Variants in STMN4 observed in about 807,000 individuals in gnomAD.
STMN4 encodes stathmin-4.
In STMN4, 12 loss-of-function variants were observed where a neutral mutation model predicts 29.1. That is an observed-to-expected ratio of 0.41 (90% CI 0.26 to 0.67). STMN4 has a LOEUF of 0.67. STMN4 is among the 30% of genes least tolerant of loss of function. The probability of loss-of-function intolerance (pLI) is 0.30; values close to 1 mark genes in which losing one functional copy is unlikely to be tolerated. For synonymous variants in STMN4, 114 were observed against 105.3 expected, an observed-to-expected ratio of 1.08 and a Z score of -0.51; for missense variants, 181 against 262.8, an observed-to-expected ratio of 0.69 and a Z score of 2.15.
chr8:27,237,959 C>G lies in STMN4; in HGVS notation c.592-1054G>C, dbSNP rs150633744. Among the ~76,000 whole-genome samples, 14 of 152,316 alleles carry G rather than the reference C, an allele frequency of 9.2e-5. No individual in the cohort carries two copies. The East Asian group carries it at 2.7e-3, about 29-fold the overall frequency. ...TCAACCAATGTTGTCCCTCCCAGAGCCTGGCACTGTCACATCCAGATGACA... is the reference window on the plus strand; with the variant it reads ...TCAACCAATGTTGTCCCTCCCAGAGGCTGGCACTGTCACATCCAGATGACA... On this transcript the variant is annotated intron_variant, in intron 6 of 6. Coordinates refer to ENST00000350889, the MANE Select transcript of STMN4 (RefSeq NM_030795.4).
intron 1 of STMN4, among the ~76,000 whole-genome samples, chr8:27,253,731 A>ATT (rs371945464): frequency 1.2e-4 from 18 of 147,762 alleles, no homozygotes; most frequent in Admixed American, 2.0e-4. Context: ...CTTTAATTTG[A>ATT]TTTTTTTTTT....
Position 27,243,354 on chromosome 8 carries a change from T to C in STMN4, c.13+357A>G, listed in dbSNP as rs751399530. Among the ~76,000 whole-genome samples the C allele has an allele frequency of 4.2e-4, 64 of 152,190 alleles. 1 individual carries two copies. The highest frequency in any genetic ancestry group is 8.2e-4 in the Non-Finnish European group (56 of 68,042). ...CTCCTGATACTGGGGACTATAGGCA[T>C]ATGCCACTATACCTGGCTTCCTTTT... is the stretch of plus-strand genomic sequence containing the variant. On this transcript the variant is annotated intron_variant, in intron 2 of 6. Coordinates refer to ENST00000350889, the MANE Select transcript of STMN4 (RefSeq NM_030795.4).
chr8:27,246,924 G>A (rs1279162150), intron 1 of STMN4, among the ~76,000 whole-genome samples: 1 of 152,058 alleles, frequency 6.6e-6, no homozygotes, highest in Non-Finnish European at 1.5e-5. Context: ...TTCACCTCAG[G>A]TACCAGCATT....
At chr8:27,243,908 G>C in intron 1 of STMN4, 107 bp from the exon 2 acceptor site, 2 of 1,032,314 alleles carry the variant, frequency 1.9e-6, no homozygotes, top group Non-Finnish European at 2.9e-6. Flanking sequence ...TACCTCATTT[G>C]CTCTTCCTCC....
At chr8:27,239,770 C>A (rs2130054221) in intron 6 of STMN4, 1 of 1,519,486 alleles carries the variant, frequency 6.6e-7, no homozygotes, top group Non-Finnish European at 8.8e-7. Flanking sequence ...CCCAAGGAAA[C>A]CCTGAGTCTG....
At position 27,255,991 on chromosome 8, in the gene STMN4, AAT is replaced by A. The variant is rs1801929157; in HGVS notation, c.-79+2358_-79+2359del. On this transcript the variant is annotated intron_variant, in intron 1 of 6. Coordinates refer to ENST00000350889, the MANE Select transcript of STMN4 (RefSeq NM_030795.4). ...AGAAGGACAGCTTCCCATAAAAAAA[AAT>A]ATTTAGATTTAATTACAACTTAAAG... 3.3e-5 allele frequency among the ~76,000 whole-genome samples: 5 copies of A among 152,192 alleles called. No individual in the cohort carries two copies. In the South Asian group the frequency reaches 8.3e-4, roughly 25 times the overall value.
At chr8:27,239,399 C>A in intron 6 of STMN4, 2 of 1,081,392 alleles carry the variant, frequency 1.8e-6, no homozygotes, top group South Asian at 1.5e-5. Flanking sequence ...ATTCTGCTGA[C>A]ACACAGAACC....
Position 27,236,754 on chromosome 8 carries a change from T to C in STMN4, c.*92A>G. The C allele has an allele frequency of 8.9e-7, 1 of 1,119,858 alleles. No individual in the cohort carries two copies. The highest frequency in any genetic ancestry group is 1.2e-6 in the Non-Finnish European group (1 of 814,016). The allele number at this position is 1,119,858 out of a possible 1,614,324, so 69.4% of individuals were successfully genotyped here. A position where few individuals can be genotyped will look rare whatever the true frequency, so the allele number is the denominator to read the frequency against. ...CCACCCCCCTCCCCCCAAACCCCAG[T>C]GCTGGGAGCGCAGCCGGCGGGCGAG... On this transcript the variant is annotated 3_prime_UTR_variant, in exon 7 of 7. Transcript: ENST00000350889.
At chr8:27,257,230 G>C (rs534476557) in intron 1 of STMN4, among the ~76,000 whole-genome samples, 1 of 152,016 alleles carries the variant, frequency 6.6e-6, no homozygotes, top group Non-Finnish European at 1.5e-5. Context: ...CCTAGCACCC[G>C]CCTGTGGGAG....
chr8:27,243,964 C>T (rs947555368), intron 1 of STMN4, among the ~76,000 whole-genome samples, 163 bp from the exon 2 acceptor site: 4 of 152,200 alleles, frequency 2.6e-5, no homozygotes, highest in Non-Finnish European at 2.9e-5. Context: ...CTACCCCGAC[C>T]TCCCTCCCAC....
intron 1 of STMN4, among the ~76,000 whole-genome samples, chr8:27,249,753 G>A (rs1199304429): frequency 6.6e-6 from 1 of 152,148 alleles, no homozygotes; most frequent in African/African-American, 2.4e-5. Context: ...ATGTCCAGGG[G>A]GCAAACAGAA....
At chr8:27,237,871 A>C (rs1021739970) in intron 6 of STMN4, among the ~76,000 whole-genome samples, 7 of 152,194 alleles carry the variant, frequency 4.6e-5, no homozygotes, top group African/African-American at 1.7e-4. Flanking sequence ...TTAGACGGTG[A>C]CTTTCCTGTG....
At chr8:27,236,955 A>T (rs1023489502) in intron 6 of STMN4, 50 bp from the exon 7 acceptor site, 1 of 1,573,904 alleles carries the variant, frequency 6.4e-7, no homozygotes, top group Admixed American at 1.9e-5. Flanking sequence ...CTGCCCGGGG[A>T]CAAAAAGGGA....
chr8:27,240,831 A>G (rs1801448223), intron 5 of STMN4, among the ~76,000 whole-genome samples: 2 of 152,168 alleles, frequency 1.3e-5, no homozygotes, highest in East Asian at 3.9e-4. Context: ...GAACATAGCA[A>G]TGTCCTATCC....
At chr8:27,253,279 G>A (rs1019161372) in intron 1 of STMN4, among the ~76,000 whole-genome samples, 3 of 152,116 alleles carry the variant, frequency 2.0e-5, no homozygotes, top group Non-Finnish European at 4.4e-5. Flanking sequence ...ATTCTCCAAT[G>A]CTTTGTAAAT....
intron 1 of STMN4, among the ~76,000 whole-genome samples, chr8:27,255,216 G>GC (rs573832758): frequency 1.6e-3 from 251 of 152,178 alleles, no homozygotes; most frequent in African/African-American, 5.9e-3. Context: ...CATGATGTAT[G>GC]TTTATTTCTC....
chr8:27,257,100 C>A (rs1276585637), intron 1 of STMN4, among the ~76,000 whole-genome samples: 1 of 152,182 alleles, frequency 6.6e-6, no homozygotes, highest in African/African-American at 2.4e-5. Flanking sequence ...GAGACTAGGG[C>A]AGCATTGCTG....
chr8:27,241,256 G>A lies in STMN4; in HGVS notation c.197C>T (p.Thr66Met), dbSNP rs751437953. The stretch of plus-strand genomic sequence containing the variant: ...AATGACGCACCAATTCAGGTCCACC[G>A]TGTCTGCTACAGAGGGCAGAGAAGG... ...DWRERRAQAD[T>M]VDLNWCVISD... is the part of the protein sequence containing the mutation. Residue 66 changes from threonine to methionine, a missense_variant, in exon 5 of 7, where the codon ACG (threonine) becomes ATG (methionine). Physicochemically the swap from Thr to Met is moderately conservative, Grantham distance 81. Transcript: ENST00000350889. The A allele has an allele frequency of 5.0e-6, 8 of 1,614,046 alleles. No individual in the cohort carries two copies. The highest frequency in any genetic ancestry group is 2.2e-5 in the East Asian group (1 of 44,890).
chr8:27,254,690 G>A (rs1192434098), intron 1 of STMN4, among the ~76,000 whole-genome samples: 4 of 148,908 alleles, frequency 2.7e-5, no homozygotes, highest in Admixed American at 6.7e-5. Flanking sequence ...GTAGGGGATG[G>A]AGTGGGAGCA....
Sources: gnomAD v4.1 joint callset for allele counts (sites outside exome capture counted in the v4.1 genomes callset) on GRCh38, gnomAD v4.1.1 for gene constraint, MANE v1.5 for transcripts, NCBI Gene and HGNC (gene_info 2026-07-23, HGNC 2026-07-21) for gene names.